SMAD6: variants seen among roughly 807,000 people sequenced by gnomAD.
The protein encoded by SMAD6 is MAD homolog 6.
A neutral mutation model predicts 39.4 loss-of-function variants in SMAD6; 103 were observed. The observed-to-expected ratio is 2.62, with a 90% CI of 2.23 to 3.08. The LOEUF (loss-of-function observed/expected upper bound fraction) is 3.08. Among genes scored for constraint, SMAD6 ranks in the 30% most tolerant of loss-of-function variants. The pLI, the probability that SMAD6 is intolerant of heterozygous loss-of-function variation, is 0.00. For missense variants in SMAD6, 1,104 were observed against 742.9 expected (o/e 1.49, Z -5.65); for synonymous variants, 445 against 353.3 (o/e 1.26, Z -2.91).
At chr15:66,704,135 C>T (rs1040834833) in intron 1 of SMAD6, 60 bp downstream of exon 1, 16 of 1,275,584 alleles carry the variant, frequency 1.3e-5, no homozygotes, top group African/African-American at 1.6e-5. Context: ...CCTTCCGTGC[C>T]CTTCTCTCTG....
chr15:66,765,785 T>G (rs1367487650), intron 3 of SMAD6, among the ~76,000 whole-genome samples: 1 of 152,268 alleles, frequency 6.6e-6, no homozygotes, highest in Admixed American at 6.5e-5. Flanking sequence ...TATTCGGGTT[T>G]TCTGCTGTTA....
chr15:66,762,077 GTTC>G (rs1417571696), intron 3 of SMAD6, among the ~76,000 whole-genome samples: 2 of 152,190 alleles, frequency 1.3e-5, no homozygotes, highest in Non-Finnish European at 2.9e-5. Context: ...GAATGTTTGT[GTTC>G]TTCTTCCAGT....
At chr15:66,746,931 G>A (rs1893919321) in intron 3 of SMAD6, among the ~76,000 whole-genome samples, 1 of 152,106 alleles carries the variant, frequency 6.6e-6, no homozygotes, top group South Asian at 2.1e-4. Flanking sequence ...CAGAGTTGGG[G>A]GCATGATCCA....
chr15:66,781,138 G>A lies in SMAD6; in HGVS notation c.1094G>A (p.Gly365Asp). Residue 365 changes from glycine (G) to aspartate (D), a missense_variant, in exon 4 of 4, where the codon GGC becomes GAC. Physicochemically the swap from Gly to Asp is moderately conservative, Grantham distance 94. Coordinates refer to ENST00000288840, the MANE Select transcript of SMAD6 (RefSeq NM_005585.5). The part of the protein sequence containing the change: ...SIFYDLPQGS[G>D]FCLGQLNLEQ... ...TTCTACGACCTACCTCAGGGCAGCG[G>A]CTTCTGCCTGGGCCAGCTCAACCTG... is the stretch of plus-strand genomic sequence containing the variant. The A allele has an allele frequency of 6.2e-7, 1 of 1,608,492 alleles. No individual in the cohort carries two copies. Among genetic ancestry groups the A allele is most frequent in the Non-Finnish European group, 8.5e-7 (1 of 1,179,776 alleles).
chr15:66,735,456 C>G (rs760667220), intron 3 of SMAD6, among the ~76,000 whole-genome samples: 17 of 152,154 alleles, frequency 1.1e-4, no homozygotes, highest in Non-Finnish European at 2.5e-4. Flanking sequence ...AAGCCAAACA[C>G]CAAATAAAAG....
At chr15:66,759,157 T>C (rs923439787) in intron 3 of SMAD6, among the ~76,000 whole-genome samples, 2 of 152,232 alleles carry the variant, frequency 1.3e-5, no homozygotes, top group Non-Finnish European at 2.9e-5. Flanking sequence ...TCCTTATTTA[T>C]ATCAAAGCCA....
chr15:66,768,223 T>C (rs780732407), intron 3 of SMAD6, among the ~76,000 whole-genome samples: 23 of 152,156 alleles, frequency 1.5e-4, no homozygotes, highest in Non-Finnish European at 3.2e-4. Flanking sequence ...CCTCTCACCT[T>C]GGCCTCCCAG....
rs1336578904 is a variant in SMAD6 at position 66,703,838 on chromosome 15, G to A, written c.580G>A (p.Ala194Thr). The A allele has an allele frequency of 2.2e-6, 3 of 1,395,036 alleles. No individual in the cohort carries two copies. The highest frequency in any genetic ancestry group is 1.5e-5 in the South Asian group (1 of 66,038). 86.4% of individuals were successfully genotyped at this position (1,395,036 alleles called of 1,614,324 possible). The change falls in exon 1 of 4, where the codon GCG becomes ACG. Residue 194 changes from alanine to threonine, a missense_variant. Transcript: ENST00000288840. ...GCGCTCGCTGGACACGCTGCTGGAG[G>A]CGGTGGAGTCCCGCGGCGGCGTGCC... ...KERSLDTLLE[A>T]VESRGGVPGG...
intron 2 of SMAD6, among the ~76,000 whole-genome samples, chr15:66,713,661 C>T (rs1168048504): frequency 6.6e-6 from 1 of 152,214 alleles, no homozygotes; most frequent in Non-Finnish European, 1.5e-5. Context: ...GGCATATCCA[C>T]CCCAGTTTTC....
intron 1 of SMAD6, chr15:66,708,728 A>G (rs1042559335): frequency 4.2e-6 from 2 of 471,832 alleles, no homozygotes; most frequent in Admixed American, 4.7e-5. Flanking sequence ...GCAAACCCAT[A>G]GAGACACAAA....
intron 3 of SMAD6, among the ~76,000 whole-genome samples, chr15:66,725,621 G>T (rs1438271464): frequency 5.9e-5 from 9 of 152,180 alleles, no homozygotes; most frequent in South Asian, 2.1e-4. Context: ...GGGCTGGGAG[G>T]CCTTCCATGC....
Position 66,702,242 on chromosome 15 carries a change from T to C in SMAD6, c.-1017T>C, listed in dbSNP as rs1000490459. 1 of 152,172 alleles carries C rather than the reference T, an allele frequency of 6.6e-6. No individual in the cohort carries two copies. Among genetic ancestry groups the C allele is most frequent in the African/African-American group, 2.4e-5 (1 of 41,434 alleles). 9.4% of individuals were successfully genotyped at this position (152,172 alleles called of 1,614,324 possible). On this transcript the variant is annotated 5_prime_UTR_variant, in exon 1 of 4. An upstream start codon of the reference 5' UTR is lost. Transcript: ENST00000288840. Reference sequence around the variant, plus strand: ...CCAAAGTGTCTAGACTGGCATATGATGGGAGGCAGCCAATGACTCCGCGGC... The same window carrying C: ...CCAAAGTGTCTAGACTGGCATATGACGGGAGGCAGCCAATGACTCCGCGGC...
intron 1 of SMAD6, chr15:66,708,042 C>T (rs913248893): frequency 1.3e-5 from 2 of 152,258 alleles, no homozygotes; most frequent in African/African-American, 2.4e-5. Context: ...GTGCACTGGC[C>T]CCTGGCTGAC....
At chr15:66,716,852 G>A (rs1893340082) in intron 3 of SMAD6, among the ~76,000 whole-genome samples, 1 of 152,244 alleles carries the variant, frequency 6.6e-6, no homozygotes, top group Non-Finnish European at 1.5e-5. Flanking sequence ...AGTGGATGTG[G>A]TATACATTTG....
chr15:66,744,096 G>T (rs1422333162), intron 3 of SMAD6, among the ~76,000 whole-genome samples: 1 of 152,198 alleles, frequency 6.6e-6, no homozygotes, highest in African/African-American at 2.4e-5. Flanking sequence ...AGGTCAGAGT[G>T]CCCTCCGGAA....
At chr15:66,719,833 A>G (rs529364745) in intron 3 of SMAD6, among the ~76,000 whole-genome samples, 1 of 152,232 alleles carries the variant, frequency 6.6e-6, no homozygotes, top group Non-Finnish European at 1.5e-5. Flanking sequence ...TTTGATCTCT[A>G]CATCAGCTCC....
intron 3 of SMAD6, among the ~76,000 whole-genome samples, chr15:66,721,408 C>G (rs565445186): frequency 6.6e-6 from 1 of 152,044 alleles, no homozygotes; most frequent in African/African-American, 2.4e-5. Flanking sequence ...CCAACAACAC[C>G]CTCATCTAAC....
At chr15:66,733,472 A>G (rs535717366) in intron 3 of SMAD6, among the ~76,000 whole-genome samples, 1 of 152,288 alleles carries the variant, frequency 6.6e-6, no homozygotes, top group Middle Eastern at 3.4e-3. Context: ...TTTCTCATCA[A>G]TGATTTGTAG....
intron 3 of SMAD6, among the ~76,000 whole-genome samples, chr15:66,756,442 G>C (rs1245903230): frequency 6.6e-6 from 1 of 152,142 alleles, no homozygotes; most frequent in African/African-American, 2.4e-5. Context: ...ATTTTTTGCA[G>C]ATGTTGATTT....
Sources: allele counts gnomAD v4.1 joint callset (sites outside exome capture counted in the v4.1 genomes callset), GRCh38; gene constraint gnomAD v4.1.1; transcripts MANE v1.5; gene names NCBI Gene and HGNC (gene_info 2026-07-23, HGNC 2026-07-21).